PPP2R2B: variants seen among roughly 807,000 people sequenced by gnomAD.
PPP2R2B encodes the protein serine/threonine-protein phosphatase 2A 55 kDa regulatory subunit B beta isoform.
A neutral mutation model predicts 46.0 loss-of-function variants in PPP2R2B; 5 were observed. The observed-to-expected ratio is 0.11, with a 90% CI of 0.06 to 0.23. PPP2R2B has a LOEUF of 0.23. Among genes scored for constraint, PPP2R2B ranks in the 10% least tolerant of loss-of-function variants. The pLI, the probability that PPP2R2B is intolerant of heterozygous loss-of-function variation, is 1.00. For synonymous variants in PPP2R2B, 215 were observed against 206.7 expected, an observed-to-expected ratio of 1.04 and a Z score of -0.34; for missense variants, 367 against 575.0, an observed-to-expected ratio of 0.64 and a Z score of 3.70.
intron 1 of PPP2R2B, among the ~76,000 whole-genome samples, chr5:146,911,883 A>C (rs906686923): frequency 5.9e-5 from 9 of 152,216 alleles, no homozygotes; most frequent in African/African-American, 2.2e-4. Flanking sequence ...TTTTTTCAGC[A>C]CAGTGGAGGA....
chr5:147,011,958 T>A (rs994643359), intron 1 of PPP2R2B, among the ~76,000 whole-genome samples: 1 of 137,576 alleles, frequency 7.3e-6, no homozygotes, highest in Non-Finnish European at 1.6e-5. Context: ...AGCTTTTTGA[T>A]GTGCTGCTGG....
chr5:147,018,413 T>A (rs1755110763), intron 1 of PPP2R2B, among the ~76,000 whole-genome samples: 1 of 152,092 alleles, frequency 6.6e-6, no homozygotes, highest in Non-Finnish European at 1.5e-5. Context: ...TTTGGAAGGG[T>A]CAATATCCAG....
rs33961672 is a variant in PPP2R2B, at chr5:146,938,751, C to CTTTTTT, written c.79+116908_79+116913dup. ...GGAAAACTACTGGTTAGATAATAGC[C>CTTTTTT]TTTTTTTTTTTTTTTTTTTTTTTTT... On this transcript the variant is annotated intron_variant, in intron 1 of 8. Transcript: ENST00000336640. Among the ~76,000 whole-genome samples, 4 of 65,926 alleles carry CTTTTTT rather than the reference C, an allele frequency of 6.1e-5. 1 individual carries two copies. The highest frequency in any genetic ancestry group is 1.4e-4 in the African/African-American group (2 of 14,790). 43.3% of individuals were successfully genotyped at this position (65,926 alleles called of 152,430 possible).
intron 1 of PPP2R2B, among the ~76,000 whole-genome samples, chr5:146,910,796 T>A (rs777834030): frequency 2.6e-5 from 4 of 152,196 alleles, no homozygotes; most frequent in Non-Finnish European, 5.9e-5. Context: ...TTAAAAAGAA[T>A]ATAGTATAAA....
chr5:147,020,152 T>G (rs1189418288), intron 1 of PPP2R2B, among the ~76,000 whole-genome samples: 1 of 152,106 alleles, frequency 6.6e-6, no homozygotes, highest in African/African-American at 2.4e-5. Flanking sequence ...TTTCTCTCTC[T>G]TTTTTTCTCC....
intron 1 of PPP2R2B, among the ~76,000 whole-genome samples, chr5:146,951,951 G>T (rs2151836040): frequency 6.6e-6 from 1 of 150,508 alleles, no homozygotes; most frequent in South Asian, 2.1e-4. Context: ...CTTCCACAAT[G>T]GTTGAACTAA....
chr5:146,909,440 C>T lies in PPP2R2B; in HGVS notation c.79+146225G>A, dbSNP rs922629388. 7.2e-5 allele frequency among the ~76,000 whole-genome samples: 11 copies of T among 152,316 alleles called. No homozygotes were observed. The East Asian group carries it at 1.9e-3, about 27-fold the overall frequency. On this transcript the variant is annotated intron_variant, in intron 1 of 8. Coordinates refer to the PPP2R2B transcript ENST00000336640. The stretch of plus-strand genomic sequence containing the variant: ...CCTCACCATTATGCACATGTTACTA[C>T]CCTCTTAAGAGGTCAGTAAAGCTCT...
chr5:146,683,813 A>T (rs1169629257), intron 5 of PPP2R2B, among the ~76,000 whole-genome samples: 1 of 152,218 alleles, frequency 6.6e-6, no homozygotes, highest in Non-Finnish European at 1.5e-5. Context: ...TGACAGATAC[A>T]ATCAGATAAT....
chr5:146,902,097 C>T (rs1272939134), intron 1 of PPP2R2B, among the ~76,000 whole-genome samples: 1 of 152,152 alleles, frequency 6.6e-6, no homozygotes, highest in African/African-American at 2.4e-5. Flanking sequence ...ACCTAAAGAC[C>T]TCACCATGTG....
At chr5:146,607,147 A>G (rs1445151348) in intron 7 of PPP2R2B, 2 of 152,136 alleles carry the variant, frequency 1.3e-5, no homozygotes, top group Non-Finnish European at 2.9e-5. Flanking sequence ...GCAGCCAGTA[A>G]TTTTTACTAT....
At chr5:146,936,482 A>C (rs1271516729) in intron 1 of PPP2R2B, among the ~76,000 whole-genome samples, 5 of 149,340 alleles carry the variant, frequency 3.3e-5, no homozygotes, top group African/African-American at 7.7e-5. Context: ...AAAAAAAAAA[A>C]AAACCCTAGA....
chr5:146,965,853 T>C (rs977842686), intron 1 of PPP2R2B, among the ~76,000 whole-genome samples: 1 of 152,218 alleles, frequency 6.6e-6, no homozygotes, highest in Non-Finnish European at 1.5e-5. Context: ...CCAGCACTGT[T>C]ACTTACCAGC....
At chr5:146,876,696 C>A (rs1761916577) in intron 2 of PPP2R2B, among the ~76,000 whole-genome samples, 1 of 152,208 alleles carries the variant, frequency 6.6e-6, no homozygotes, top group African/African-American at 2.4e-5. Context: ...CCAGAGCTTA[C>A]AACTCTGCTT....
At chr5:147,015,149 C>G (rs1271580078) in intron 1 of PPP2R2B, among the ~76,000 whole-genome samples, 1 of 148,928 alleles carries the variant, frequency 6.7e-6, no homozygotes, top group East Asian at 2.9e-4. Flanking sequence ...GTACATAAAA[C>G]AGTGCCTGAC....
At chr5:146,817,738 A>T (rs962043141) in intron 2 of PPP2R2B, among the ~76,000 whole-genome samples, 24 of 152,234 alleles carry the variant, frequency 1.6e-4, no homozygotes, top group African/African-American at 5.5e-4. Flanking sequence ...CAAGGCAATC[A>T]CTATTCACAA....
chr5:146,855,749 G>C (rs2151387182), intron 2 of PPP2R2B, among the ~76,000 whole-genome samples: 1 of 152,122 alleles, frequency 6.6e-6, no homozygotes, highest in South Asian at 2.1e-4. Flanking sequence ...CAGTTCTTTT[G>C]TATTAAATTT....
At chr5:146,785,897 T>C (rs1755809806) in intron 2 of PPP2R2B, among the ~76,000 whole-genome samples, 1 of 151,724 alleles carries the variant, frequency 6.6e-6, no homozygotes, top group South Asian at 2.1e-4. Flanking sequence ...GAGGGGAGAA[T>C]AAAGAGAAGT....
At chr5:146,921,215 G>A (rs1292434613) in intron 1 of PPP2R2B, among the ~76,000 whole-genome samples, 3 of 152,186 alleles carry the variant, frequency 2.0e-5, no homozygotes, top group South Asian at 2.1e-4. Flanking sequence ...AAGATATCAT[G>A]TCTTATTAAT....
chr5:146,817,329 G>C (rs1270894755), intron 2 of PPP2R2B, among the ~76,000 whole-genome samples: 1 of 152,034 alleles, frequency 6.6e-6, no homozygotes, highest in Non-Finnish European at 1.5e-5. Context: ...CACTGACTTG[G>C]ACACCTGGCC....
Sources: allele counts gnomAD v4.1 joint callset (sites outside exome capture counted in the v4.1 genomes callset), GRCh38; gene constraint gnomAD v4.1.1; transcripts MANE v1.5; gene names NCBI Gene and HGNC (gene_info 2026-07-23, HGNC 2026-07-21).